Variants in ROR1 observed in about 807,000 individuals in gnomAD.
ROR1 encodes inactive tyrosine-protein kinase transmembrane receptor ROR1.
Under a neutral mutation model 78.8 loss-of-function variants are expected in ROR1, and 19 were observed. The observed-to-expected ratio is 0.24, with a 90% CI of 0.17 to 0.35. The LOEUF (loss-of-function observed/expected upper bound fraction) is 0.35, where lower values mean the gene tolerates loss of function less well. Ranked by LOEUF, ROR1 falls within the 10% of genes least tolerant of loss-of-function variation. The probability of loss-of-function intolerance (pLI) is 1.00; values close to 1 mark genes in which losing one functional copy is unlikely to be tolerated. For missense variants in ROR1, 917 were observed against 1,177.8 expected, an observed-to-expected ratio of 0.78 and a Z score of 3.24; for synonymous variants, 386 against 433.6, an observed-to-expected ratio of 0.89 and a Z score of 1.36.
intron 1 of ROR1, among the ~76,000 whole-genome samples, chr1:63,990,718 T>G (rs555450605): frequency 6.6e-6 from 1 of 152,200 alleles, no homozygotes; most frequent in South Asian, 2.1e-4. Flanking sequence ...TCCTCATGTA[T>G]TATCCTCCCA....
chr1:63,876,944 C>G (rs1645290230), intron 1 of ROR1, among the ~76,000 whole-genome samples: 1 of 152,080 alleles, frequency 6.6e-6, no homozygotes, highest in South Asian at 2.1e-4. Context: ...AAAGCAATAA[C>G]TTTTCTGCAA....
intron 4 of ROR1, among the ~76,000 whole-genome samples, chr1:64,088,713 G>A (rs1261946151): frequency 6.6e-6 from 1 of 152,102 alleles, no homozygotes; most frequent in African/African-American, 2.4e-5. Flanking sequence ...ATCAGGCCCA[G>A]AGAAATATGA....
At chr1:64,046,385 T>G (rs1039619397) in intron 2 of ROR1, among the ~76,000 whole-genome samples, 6 of 152,232 alleles carry the variant, frequency 3.9e-5, no homozygotes, top group Non-Finnish European at 5.9e-5. Flanking sequence ...ATTCCCTGTT[T>G]GTGGCAAGGC....
chr1:63,918,982 A>G (rs1384787873), intron 1 of ROR1, among the ~76,000 whole-genome samples: 2 of 147,196 alleles, frequency 1.4e-5, no homozygotes, highest in East Asian at 4.1e-4. Context: ...TTGAAAGTTC[A>G]GTATTAATGA....
intron 8 of ROR1, among the ~76,000 whole-genome samples, chr1:64,167,000 G>A (rs949386656): frequency 3.3e-5 from 5 of 152,186 alleles, no homozygotes; most frequent in Non-Finnish European, 4.4e-5. Context: ...ACCCTATGAA[G>A]TAGGTACTAA....
intron 8 of ROR1, among the ~76,000 whole-genome samples, chr1:64,164,478 G>A (rs575712904): frequency 7.9e-4 from 120 of 152,156 alleles, no homozygotes; most frequent in Non-Finnish European, 1.3e-3. Context: ...CATAAGGCAA[G>A]GATAAGAATA....
chr1:64,105,527 G>T (rs753814320), intron 4 of ROR1: 14 of 152,058 alleles, frequency 9.2e-5, no homozygotes, highest in Non-Finnish European at 1.8e-4. Context: ...TGAAGTCTTT[G>T]CCCATGCCTA....
At chr1:63,952,662 G>A (rs1645949914) in intron 1 of ROR1, among the ~76,000 whole-genome samples, 1 of 152,132 alleles carries the variant, frequency 6.6e-6, no homozygotes, top group African/African-American at 2.4e-5. Flanking sequence ...CTGAAGCATG[G>A]AGAGCCTTGA....
chr1:63,875,749 G>A (rs983821836), intron 1 of ROR1, among the ~76,000 whole-genome samples: 9 of 152,140 alleles, frequency 5.9e-5, no homozygotes, highest in African/African-American at 1.9e-4. Context: ...ACCATGAACT[G>A]GGCTTCAGAA....
chr1:63,870,857 G>A (rs971382036), intron 1 of ROR1, among the ~76,000 whole-genome samples: 4 of 152,232 alleles, frequency 2.6e-5, no homozygotes, highest in African/African-American at 9.6e-5. Flanking sequence ...GCCACTGGGA[G>A]TGAGAGGCTG....
intron 4 of ROR1, among the ~76,000 whole-genome samples, chr1:64,134,319 G>A (rs1310109124): frequency 6.6e-6 from 1 of 152,046 alleles, no homozygotes; most frequent in African/African-American, 2.4e-5. Context: ...TCTCTTTCTC[G>A]AGTAGGCTGA....
intron 1 of ROR1, among the ~76,000 whole-genome samples, chr1:63,909,454 CT>C (rs1199478176): frequency 2.0e-5 from 3 of 152,180 alleles, no homozygotes; most frequent in Non-Finnish European, 4.4e-5. Flanking sequence ...TGAAGCCACT[CT>C]GTGCCTCTCT....
At chr1:64,168,215 C>T (rs1348121358) in intron 8 of ROR1, among the ~76,000 whole-genome samples, 4 of 152,212 alleles carry the variant, frequency 2.6e-5, no homozygotes, top group Non-Finnish European at 4.4e-5. Flanking sequence ...AATTGACCAC[C>T]TACCAGCTGT....
At chr1:64,007,956 C>CTTTTTT (rs74261212) in intron 1 of ROR1, among the ~76,000 whole-genome samples, 1 of 137,706 alleles carries the variant, frequency 7.3e-6, no homozygotes, top group African/African-American at 2.9e-5. Context: ...TGCCCTTGTT[C>CTTTTTT]TTTTTTTTTT....
intron 1 of ROR1, among the ~76,000 whole-genome samples, chr1:63,796,752 A>G (rs920265759): frequency 6.6e-6 from 1 of 152,092 alleles, no homozygotes; most frequent in Non-Finnish European, 1.5e-5. Context: ...CAGTGTGGTA[A>G]GGGCAGCGGT....
chr1:63,992,587 G>A (rs991125325), intron 1 of ROR1, among the ~76,000 whole-genome samples: 1 of 152,192 alleles, frequency 6.6e-6, no homozygotes, highest in Non-Finnish European at 1.5e-5. Flanking sequence ...CTAGTAAAAG[G>A]CTTGAGTTAC....
intron 1 of ROR1, among the ~76,000 whole-genome samples, chr1:63,805,551 G>GA (rs1441682361): frequency 1.3e-5 from 2 of 152,198 alleles, no homozygotes; most frequent in Non-Finnish European, 2.9e-5. Flanking sequence ...TGTAAGAGAG[G>GA]AAAGAGGGGA....
Position 64,084,578 on chromosome 1 carries a change from T to A in ROR1, c.482+33862T>A, listed in dbSNP as rs374089660. Among the ~76,000 whole-genome samples, 131 of 152,330 alleles carry A rather than the reference T, an allele frequency of 8.6e-4. 1 individual carries two copies. Among genetic ancestry groups the A allele is most frequent in the African/African-American group, 3.1e-3 (130 of 41,584 alleles). On this transcript the variant is annotated intron_variant, in intron 4 of 8. Transcript: ENST00000371079. ...ATGACAAAATCCATGGCATTTCTCA[T>A]TAGTCTTAGCCAGAAGTGGCTCTTT...
chr1:64,130,189 A>T (rs957107639), intron 4 of ROR1, among the ~76,000 whole-genome samples: 2 of 152,200 alleles, frequency 1.3e-5, no homozygotes, highest in Non-Finnish European at 2.9e-5. Flanking sequence ...TTCCAATAAA[A>T]GAAAAAGGGA....
Sources: allele counts gnomAD v4.1 joint callset (sites outside exome capture counted in the v4.1 genomes callset), GRCh38; gene constraint gnomAD v4.1.1; transcripts MANE v1.5; gene names NCBI Gene and HGNC (gene_info 2026-07-23, HGNC 2026-07-21).